The following DSG4 variants were observed in gnomAD, a reference collection of about 807,000 sequenced individuals.
The protein encoded by DSG4 is desmoglein 4, also known as desmoglein-4.
Under a neutral mutation model 93.1 loss-of-function variants are expected in DSG4, and 87 were observed. The observed-to-expected ratio is 0.93, with a 90% CI of 0.79 to 1.12. DSG4 has a LOEUF of 1.12. Among genes scored for constraint, DSG4 ranks in the 50% most tolerant of loss-of-function variants. The probability of loss-of-function intolerance (pLI) is 0.00; values close to 1 mark genes in which losing one functional copy is unlikely to be tolerated. For synonymous variants in DSG4, 432 were observed against 452.9 expected (o/e 0.95, Z 0.59); for missense variants, 1,373 against 1,285.7 (o/e 1.07, Z -1.04).
Position 31,386,688 on chromosome 18 carries a change from G to C in DSG4, c.85G>C (p.Val29Leu). Residue 29 changes from valine to leucine, a missense_variant and splice_region_variant, in exon 3 of 16, where the codon GTG becomes CTG. Coordinates refer to ENST00000308128, the MANE Select transcript of DSG4 (RefSeq NM_177986.5). ...MEVNSEFIVE[V>L]KEFDIENGTT... ...GACACCTGAACCATTTTTGCTTAAGGTGAAGGAATTTGACATTGAAAATGG... is the reference window on the plus strand; with the variant it reads ...GACACCTGAACCATTTTTGCTTAAGCTGAAGGAATTTGACATTGAAAATGG... The C allele has an allele frequency of 1.9e-6, 3 of 1,612,916 alleles. No homozygotes were observed. Among genetic ancestry groups the C allele is most frequent in the Non-Finnish European group, 2.5e-6 (3 of 1,179,176 alleles).
At position 31,413,633 on chromosome 18, in the gene DSG4, C is replaced by G; in HGVS notation, c.*38C>G. 1 of 1,604,838 alleles carries G rather than the reference C, an allele frequency of 6.2e-7. No homozygotes were observed. The highest frequency in any genetic ancestry group is 8.5e-7 in the Non-Finnish European group (1 of 1,177,750). On this transcript the variant is annotated 3_prime_UTR_variant, in exon 16 of 16. Transcript: ENST00000308128. ...CAGTATTCTATGTGGAGACCTTGCA[C>G]CTTGTAATCATCAATACATCCACCA... is the stretch of plus-strand genomic sequence containing the variant.
intron 7 of DSG4, 113 bp downstream of exon 7, chr18:31,391,325 A>G (rs2072246919): frequency 6.9e-7 from 1 of 1,438,886 alleles, no homozygotes; most frequent in Non-Finnish European, 9.7e-7. Flanking sequence ...ATGTGTGGAC[A>G]TACTCAACTT....
intron 6 of DSG4, 36 bp downstream of exon 6, chr18:31,390,858 T>C (rs981942636): frequency 3.1e-6 from 5 of 1,602,062 alleles, no homozygotes; most frequent in Non-Finnish European, 3.4e-6. Context: ...AACTAAAAAA[T>C]TCAATTTTGA....
In DSG4 at chr18:31,401,938, G is replaced by T. The variant is rs555672059; in HGVS notation, c.1417+918G>T. Reference sequence around the variant, plus strand: ...CTGTACATCCTGGGCTTCATCCTGTGGCGGGTAAATTTTAACGCCTGGGTC... The same window carrying T: ...CTGTACATCCTGGGCTTCATCCTGTTGCGGGTAAATTTTAACGCCTGGGTC... On this transcript the variant is annotated intron_variant, in intron 10 of 15. Coordinates refer to ENST00000308128, the MANE Select transcript of DSG4 (RefSeq NM_177986.5). Among the ~76,000 whole-genome samples, 6 of 152,284 alleles carry T rather than the reference G, an allele frequency of 3.9e-5. No homozygotes were observed. In the East Asian group the frequency reaches 9.6e-4, roughly 24 times the overall value.
chr18:31,411,908 C>G (rs983102282), intron 15 of DSG4, among the ~76,000 whole-genome samples: 1 of 152,184 alleles, frequency 6.6e-6, no homozygotes, highest in African/African-American at 2.4e-5. Flanking sequence ...AACGCAGCAT[C>G]ACCACAACTC....
rs1235578459 is a variant in DSG4, at chr18:31,399,271, G to C, written c.1006-1G>C. ...GAGTTTTTTATTTTCTTTCATTTCA[G>C]ATGCTGGATTATGAACAAGCACCTA... On this transcript the variant is annotated splice_acceptor_variant, in intron 8 of 15. Transcript: ENST00000308128. LOFTEE classifies it high-confidence loss of function. The C allele has an allele frequency of 1.2e-6, 2 of 1,613,718 alleles. No homozygotes were observed. The highest frequency in any genetic ancestry group is 2.7e-5 in the African/African-American group (2 of 74,966).
chr18:31,413,592 G>C lies in DSG4; in HGVS notation c.3120G>C (p.Gln1040His), dbSNP rs1437161690. The change falls in exon 16 of 16, where the codon CAG becomes CAC. Residue 1040 changes from glutamine to histidine, a missense_variant. By Grantham distance (24) the Gln-to-His change is conservative. Coordinates refer to ENST00000308128, the MANE Select transcript of DSG4 (RefSeq NM_177986.5). ...ACAGTAACATACATTACACCCAACA[G>C]TAAGTGCTTTATGGTCAGTATTCTA... ...TRYSNIHYTQ[Q>H] The C allele has an allele frequency of 6.2e-7, 1 of 1,613,080 alleles. No homozygotes were observed. Among genetic ancestry groups the C allele is most frequent in the East Asian group, 2.2e-5 (1 of 44,884 alleles).
chr18:31,399,231 T>A, intron 8 of DSG4, 41 bp from the exon 9 acceptor site: 4 of 1,612,116 alleles, frequency 2.5e-6, no homozygotes, highest in Admixed American at 1.7e-5. Flanking sequence ...CGAAAGAGAG[T>A]TCTTTGCTGT....
At chr18:31,388,758 T>C in intron 4 of DSG4, 116 bp from the exon 5 acceptor site, 3 of 1,490,312 alleles carry the variant, frequency 2.0e-6, no homozygotes, top group Non-Finnish European at 2.8e-6. Context: ...TTGACTGTAC[T>C]ACAGTCTGAA....
intron 13 of DSG4, 48 bp downstream of exon 13, chr18:31,409,639 T>C (rs756536854): frequency 6.2e-6 from 10 of 1,614,080 alleles, no homozygotes; most frequent in Non-Finnish European, 8.5e-6. Flanking sequence ...TCAGTGGAAA[T>C]TGAGCATGTC....
At chr18:31,392,434 A>T in intron 8 of DSG4, 94 bp downstream of exon 8, 2 of 1,342,844 alleles carry the variant, frequency 1.5e-6, no homozygotes, top group Non-Finnish European at 2.1e-6. Flanking sequence ...CTTTAAAAAA[A>T]AGTACTTCAT....
At chr18:31,403,749 C>T in intron 11 of DSG4, 115 bp downstream of exon 11, 1 of 929,170 alleles carries the variant, frequency 1.1e-6, no homozygotes, top group Non-Finnish European at 1.7e-6. Flanking sequence ...CAGTTCTTGC[C>T]ATATTAACAT....
At chr18:31,383,006 A>T (rs2072151855) in intron 1 of DSG4, among the ~76,000 whole-genome samples, 1 of 152,196 alleles carries the variant, frequency 6.6e-6, no homozygotes, top group East Asian at 1.9e-4. Flanking sequence ...TTTAAACTAC[A>T]GACAAGTCTG....
chr18:31,383,557 A>C (rs2072157828), intron 1 of DSG4, among the ~76,000 whole-genome samples: 1 of 152,078 alleles, frequency 6.6e-6, no homozygotes, highest in African/African-American at 2.4e-5. Context: ...ATTCTAGCAT[A>C]TTCCTTTAAA....
At position 31,390,790 on chromosome 18, in the gene DSG4, G is replaced by A. The variant is rs762044315; in HGVS notation, c.652G>A (p.Val218Ile). 6.2e-7 allele frequency: 1 copy of A among 1,613,608 alleles called. No homozygotes were observed. Among genetic ancestry groups the A allele is most frequent in the African/African-American group, 1.3e-5 (1 of 74,908 alleles). The part of the protein sequence containing the change: ...MFILNRYTGE[V>I]CTMSSFLDRE... ...CATTCTGAATAGGTACACTGGAGAAGTCTGCACCATGTCCAGTTTCTTGGA... is the reference window on the plus strand; with the variant it reads ...CATTCTGAATAGGTACACTGGAGAAATCTGCACCATGTCCAGTTTCTTGGA... Residue 218 changes from valine to isoleucine, a missense_variant, in exon 6 of 16, where the codon GTC becomes ATC. Val to Ile is a conservative substitution (Grantham distance 29). Transcript: ENST00000308128.
At chr18:31,384,939 T>C (rs1010392211) in intron 1 of DSG4, among the ~76,000 whole-genome samples, 197 bp from the exon 2 acceptor site, 8 of 152,208 alleles carry the variant, frequency 5.3e-5, no homozygotes, top group Non-Finnish European at 1.2e-4. Flanking sequence ...ACTTATGTGT[T>C]TGTCTTCTCT....
chr18:31,398,806 T>A (rs908596780), intron 8 of DSG4, among the ~76,000 whole-genome samples: 8 of 152,190 alleles, frequency 5.3e-5, no homozygotes, highest in Non-Finnish European at 1.2e-4. Context: ...AATTACGTGT[T>A]CAGTGACATC....
intron 8 of DSG4, among the ~76,000 whole-genome samples, chr18:31,397,604 A>G (rs2072319235): frequency 6.6e-6 from 1 of 152,116 alleles, no homozygotes; most frequent in African/African-American, 2.4e-5. Context: ...TAATTATACA[A>G]CTTTAGACAC....
At position 31,412,867 on chromosome 18, in the gene DSG4, G is replaced by A; in HGVS notation, c.2395G>A (p.Ala799Thr). 6.2e-7 allele frequency: 1 copy of A among 1,614,212 alleles called. No individual in the cohort carries two copies. Among genetic ancestry groups the A allele is most frequent in the Non-Finnish European group, 8.5e-7 (1 of 1,180,042 alleles). Residue 799 changes from alanine to threonine, a missense_variant, in exon 16 of 16, where the codon GCC becomes ACC. Physicochemically the swap from Ala to Thr is moderately conservative, Grantham distance 58. Coordinates refer to ENST00000308128, the MANE Select transcript of DSG4 (RefSeq NM_177986.5). ...AYADEDEGRP[A>T]NDCLLIYDHE... Reference sequence around the variant, plus strand: ...TGCAGATGAAGATGAAGGTCGACCAGCCAATGACTGCTTGCTCATTTATGA... The same window carrying A: ...TGCAGATGAAGATGAAGGTCGACCAACCAATGACTGCTTGCTCATTTATGA...
Sources: allele counts gnomAD v4.1 joint callset (sites outside exome capture counted in the v4.1 genomes callset), GRCh38; gene constraint gnomAD v4.1.1; transcripts MANE v1.5; gene names NCBI Gene and HGNC (gene_info 2026-07-23, HGNC 2026-07-21).